Variants in ZNF407 observed in about 807,000 individuals in gnomAD.
The protein encoded by ZNF407 is zinc finger protein 407.
Under a neutral mutation model 131.2 loss-of-function variants are expected in ZNF407, and 17 were observed. The observed-to-expected ratio is 0.13, with a 90% CI of 0.09 to 0.19. The LOEUF is 0.19. Ranked by LOEUF, ZNF407 falls within the 10% of genes least tolerant of loss-of-function variation. The probability of loss-of-function intolerance (pLI) is 1.00; values close to 1 mark genes in which losing one functional copy is unlikely to be tolerated. For synonymous variants in ZNF407, 1,156 were observed against 1,062.0 expected (o/e 1.09, Z -1.72); for missense variants, 2,681 against 2,830.6 (o/e 0.95, Z 1.20).
intron 8 of ZNF407, among the ~76,000 whole-genome samples, chr18:75,016,623 A>G (rs192296621): frequency 2.0e-5 from 3 of 152,232 alleles, no homozygotes; most frequent in Non-Finnish European, 4.4e-5. Flanking sequence ...TAAGATACGG[A>G]ATTTAAGATA....
chr18:74,896,665 T>C (rs1971457828), intron 7 of ZNF407, among the ~76,000 whole-genome samples: 1 of 152,176 alleles, frequency 6.6e-6, no homozygotes, highest in African/African-American at 2.4e-5. Context: ...TTTGAAAGGT[T>C]CTCCTAGCTT....
At chr18:74,940,529 A>G (rs1344206473) in intron 8 of ZNF407, among the ~76,000 whole-genome samples, 3 of 152,186 alleles carry the variant, frequency 2.0e-5, no homozygotes, top group Non-Finnish European at 4.4e-5. Flanking sequence ...AATAGGGGCC[A>G]GACTTGAAAG....
At chr18:74,802,999 G>A (rs565833939) in intron 4 of ZNF407, among the ~76,000 whole-genome samples, 18 of 152,142 alleles carry the variant, frequency 1.2e-4, no homozygotes, top group Non-Finnish European at 2.4e-4. Context: ...GAATTCAAAA[G>A]TTATAAATTT....
intron 8 of ZNF407, among the ~76,000 whole-genome samples, chr18:75,041,464 C>T (rs1366395181): frequency 6.6e-6 from 1 of 152,114 alleles, no homozygotes; most frequent in African/African-American, 2.4e-5. Flanking sequence ...CTCTCACACA[C>T]ACACACTCAC....
At chr18:75,052,447 G>T (rs1275577396) in intron 8 of ZNF407, among the ~76,000 whole-genome samples, 1 of 152,146 alleles carries the variant, frequency 6.6e-6, no homozygotes, top group Non-Finnish European at 1.5e-5. Context: ...AAGGAGCTCA[G>T]GGAGCCCGTC....
intron 2 of ZNF407, among the ~76,000 whole-genome samples, chr18:74,640,625 C>T (rs1349896106): frequency 6.6e-6 from 1 of 152,154 alleles, no homozygotes; most frequent in Non-Finnish European, 1.5e-5. Context: ...AAAATATCAG[C>T]TGCCCTGAGT....
chr18:74,634,795 C>G lies in ZNF407; in HGVS notation c.3776C>G (p.Ser1259Trp). Residue 1259 changes from serine (S) to tryptophan (W), a missense_variant, in exon 2 of 9, where the codon TCG (serine) becomes TGG (tryptophan). Physicochemically the swap from Ser to Trp is radical, Grantham distance 177. Around this residue, in one of 6 missense-constraint regions of ZNF407, gnomAD observed 1,789 missense variants for 1,748.7 expected, o/e 1.02. Coordinates refer to ENST00000299687, the MANE Select transcript of ZNF407 (RefSeq NM_017757.3). ...LCPVTLDGER[S>W]AESPVLVVTR... is the part of the protein sequence containing the mutation. ...CCTGTGACGCTCGATGGGGAGCGCTCGGCTGAAAGCCCTGTGCTCGTTGTG... is the reference window on the plus strand; with the variant it reads ...CCTGTGACGCTCGATGGGGAGCGCTGGGCTGAAAGCCCTGTGCTCGTTGTG... 1 of 1,613,946 alleles carries G rather than the reference C, an allele frequency of 6.2e-7. No individual in the cohort carries two copies.
chr18:75,028,253 G>A (rs987542100), intron 8 of ZNF407, among the ~76,000 whole-genome samples: 12 of 152,130 alleles, frequency 7.9e-5, no homozygotes, highest in East Asian at 3.9e-4. Context: ...TCATCGTTTC[G>A]GAGGCTACCA....
chr18:75,064,610 G>A lies in ZNF407; in HGVS notation c.*142G>A, dbSNP rs556315829. The A allele has an allele frequency of 3.8e-3, 2,998 of 781,094 alleles. 11 individuals carry two copies. Among genetic ancestry groups the A allele is most frequent in the Middle Eastern group, 5.6e-3 (14 of 2,492 alleles). 48.4% of individuals were successfully genotyped at this position (781,094 alleles called of 1,614,324 possible). A position where few individuals can be genotyped will look rare whatever the true frequency, so the allele number is the denominator to read the frequency against. On this transcript the variant is annotated 3_prime_UTR_variant, in exon 9 of 9. Transcript: ENST00000299687. ...TGAGCTCTGAGCATGCCCTCCCAGC[G>A]AGAGTCACACTGGCCACCAGCCAGG...
intron 8 of ZNF407, among the ~76,000 whole-genome samples, chr18:75,012,286 T>TA (rs1568300415): frequency 3.6e-5 from 4 of 111,138 alleles, no homozygotes; most frequent in Non-Finnish European, 5.9e-5. Flanking sequence ...ACATAGTGTA[T>TA]GTACACATAG....
At chr18:74,857,929 C>G (rs71359063) in intron 4 of ZNF407, among the ~76,000 whole-genome samples, 1 of 127,544 alleles carries the variant, frequency 7.8e-6, no homozygotes, top group Non-Finnish European at 1.7e-5. Context: ...CTCCTCTCCC[C>G]TCCCCTCCCC....
At chr18:74,947,501 A>C (rs1395845859) in intron 8 of ZNF407, among the ~76,000 whole-genome samples, 2 of 152,200 alleles carry the variant, frequency 1.3e-5, no homozygotes, top group African/African-American at 4.8e-5. Flanking sequence ...TAAATTAAAA[A>C]ATAAATTTTA....
At chr18:74,655,532 C>G (rs1452495662) in intron 3 of ZNF407, among the ~76,000 whole-genome samples, 1 of 151,946 alleles carries the variant, frequency 6.6e-6, no homozygotes, top group Non-Finnish European at 1.5e-5. Flanking sequence ...TGACTCTTAT[C>G]CCTTATTCAT....
intron 3 of ZNF407, among the ~76,000 whole-genome samples, chr18:74,704,390 G>T (rs149615553): frequency 2.0e-5 from 3 of 152,104 alleles, no homozygotes; most frequent in Non-Finnish European, 4.4e-5. Flanking sequence ...ATGAAATACA[G>T]GTACAACGGG....
intron 8 of ZNF407, among the ~76,000 whole-genome samples, chr18:75,037,613 G>A (rs1180371689): frequency 1.3e-5 from 2 of 152,004 alleles, no homozygotes; most frequent in African/African-American, 2.4e-5. Flanking sequence ...TCCGTCTCAA[G>A]GGAACATTAC....
At chr18:74,676,008 GAAAAT>G (rs1385466202) in intron 3 of ZNF407, among the ~76,000 whole-genome samples, 2 of 152,010 alleles carry the variant, frequency 1.3e-5, no homozygotes, top group Non-Finnish European at 2.9e-5. Flanking sequence ...TGTATAAAAA[GAAAAT>G]AAAACAAGTC....
chr18:74,632,679 G>A lies in ZNF407; in HGVS notation c.1660G>A (p.Glu554Lys), dbSNP rs1303033779. 1 of 1,614,034 alleles carries A rather than the reference G, an allele frequency of 6.2e-7. No homozygotes were observed. Among genetic ancestry groups the A allele is most frequent in the South Asian group, 1.1e-5 (1 of 91,084 alleles). Residue 554 changes from glutamate to lysine, a missense_variant, in exon 2 of 9, where the codon GAG becomes AAG. Around this residue, in one of 6 missense-constraint regions of ZNF407, gnomAD observed 1,789 missense variants for 1,748.7 expected, o/e 1.02. Transcript: ENST00000299687. ...EIHVKRCHAR[E>K]MKFYCRTCDF... The stretch of plus-strand genomic sequence containing the variant: ...CCATGTGAAAAGGTGCCATGCCAGA[G>A]AGATGAAATTTTACTGCCGTACTTG...
At chr18:74,969,506 T>C in intron 8 of ZNF407, among the ~76,000 whole-genome samples, 1 of 152,246 alleles carries the variant, frequency 6.6e-6, no homozygotes, top group Non-Finnish European at 1.5e-5. Context: ...TATTTCAGTT[T>C]GCTTGTTTGA....
intron 3 of ZNF407, among the ~76,000 whole-genome samples, chr18:74,682,391 C>T (rs372311930): frequency 2.6e-5 from 4 of 152,134 alleles, no homozygotes; most frequent in Admixed American, 6.5e-5. Flanking sequence ...CTTTTTTCTA[C>T]GGCATTCTTG....
Sources: allele counts gnomAD v4.1 joint callset (sites outside exome capture counted in the v4.1 genomes callset), GRCh38; gene constraint gnomAD v4.1.1; regional missense constraint gnomAD v4.1.1; transcripts MANE v1.5; gene names NCBI Gene and HGNC (gene_info 2026-07-23, HGNC 2026-07-21).